Variants in UMPS observed in about 807,000 individuals in gnomAD.
UMPS encodes the protein uridine monophosphate synthetase.
In UMPS, 21 loss-of-function variants were observed where a neutral mutation model predicts 38.9. The ratio of observed to expected loss-of-function variants is 0.54; its 90% confidence interval spans 0.38 to 0.78. The LOEUF (loss-of-function observed/expected upper bound fraction) is 0.78. Among genes scored for constraint, UMPS ranks in the 30% least tolerant of loss-of-function variants. The pLI is 0.00. For missense variants in UMPS, 533 were observed against 591.6 expected (o/e 0.90, Z 1.03); for synonymous variants, 208 against 219.3 (o/e 0.95, Z 0.45).
intron 1 of UMPS, among the ~76,000 whole-genome samples, chr3:124,732,967 G>GGTGTGTGTGTGTGT (rs61383415): frequency 0.026 from 3,872 of 147,690 alleles, 117 homozygotes; most frequent in African/African-American, 0.074. Flanking sequence ...ACTAGATCAT[G>GGTGTGTGTGTGTGT]GTGTGTGTGT....
chr3:124,734,176 T>G (rs961130147), intron 1 of UMPS, among the ~76,000 whole-genome samples: 2 of 152,158 alleles, frequency 1.3e-5, no homozygotes, highest in African/African-American at 2.4e-5. Flanking sequence ...CATAGTTTTT[T>G]TTTGTTTGTT....
At chr3:124,739,383 G>A (rs1178002715) in intron 3 of UMPS, among the ~76,000 whole-genome samples, 4 of 152,098 alleles carry the variant, frequency 2.6e-5, no homozygotes, top group African/African-American at 9.7e-5. Context: ...CCAGGCTGGA[G>A]TGCAGTGGTG....
Position 124,747,060 on chromosome 3 carries a change from T to C in UMPS, c.*2976T>C. 2.2e-6 allele frequency: 1 copy of C among 453,622 alleles called. No homozygotes were observed. The highest frequency in any genetic ancestry group is 4.4e-6 in the Non-Finnish European group (1 of 226,514). 28.1% of individuals were successfully genotyped at this position (453,622 alleles called of 1,614,324 possible). A position where few individuals can be genotyped will look rare whatever the true frequency, so the allele number is the denominator to read the frequency against. On this transcript the variant is annotated 3_prime_UTR_variant, in exon 6 of 6. Coordinates refer to ENST00000232607, the MANE Select transcript of UMPS (RefSeq NM_000373.4). ...CTTCACTCTGTTGCCCAGGCTGGAGTATATCATGGCTCACTGCAACCTTGA... is the reference window on the plus strand; with the variant it reads ...CTTCACTCTGTTGCCCAGGCTGGAGCATATCATGGCTCACTGCAACCTTGA...
Position 124,745,771 on chromosome 3 carries a change from G to A in UMPS, c.*1687G>A. ...GACAAAAACTTGCAGGAATCTCTTA[G>A]GTGTCTTCAGTGTTGGAGTGATATG... On this transcript the variant is annotated 3_prime_UTR_variant, in exon 6 of 6. Transcript: ENST00000232607. 1 of 454,074 alleles carries A rather than the reference G, an allele frequency of 2.2e-6. No homozygotes were observed. Among genetic ancestry groups the A allele is most frequent in the South Asian group, 1.6e-5 (1 of 64,468 alleles). 28.1% of individuals were successfully genotyped at this position (454,074 alleles called of 1,614,324 possible). A position where few individuals can be genotyped will look rare whatever the true frequency, so the allele number is the denominator to read the frequency against.
intron 1 of UMPS, among the ~76,000 whole-genome samples, 180 bp downstream of exon 1, chr3:124,730,807 G>C (rs991026333): frequency 6.6e-6 from 1 of 152,170 alleles, no homozygotes; most frequent in Admixed American, 6.5e-5. Flanking sequence ...TGGGCTCCTC[G>C]AGAGTCGTCT....
intron 4 of UMPS, 143 bp from the exon 5 acceptor site, chr3:124,742,009 G>T (rs532822686): frequency 1.4e-6 from 1 of 708,836 alleles, no homozygotes. Context: ...TGAGCCCAGG[G>T]GTTCAAGACC....
At position 124,747,147 on chromosome 3, in the gene UMPS, C is replaced by T. The variant is rs2063608068; in HGVS notation, c.*3063C>T. ...ACTCTCAAGTAGCTCTCAAGAGCCT[C>T]TCGAGTGGCTGGAACTACAGGCGTG... On this transcript the variant is annotated 3_prime_UTR_variant, in exon 6 of 6. Transcript: ENST00000232607. 2.2e-6 allele frequency: 1 copy of T among 453,920 alleles called. No individual in the cohort carries two copies. The highest frequency in any genetic ancestry group is 4.4e-6 in the Non-Finnish European group (1 of 226,768). The allele number at this position is 453,920 out of a possible 1,614,324, so 28.1% of individuals were successfully genotyped here.
At chr3:124,732,917 A>G (rs2063490297) in intron 1 of UMPS, among the ~76,000 whole-genome samples, 1 of 151,924 alleles carries the variant, frequency 6.6e-6, no homozygotes, top group Non-Finnish European at 1.5e-5. Context: ...GATTTATTTT[A>G]ATAAGCCAGC....
intron 2 of UMPS, among the ~76,000 whole-genome samples, chr3:124,736,377 C>T (rs2063518243): frequency 6.6e-6 from 1 of 152,026 alleles, no homozygotes. Context: ...AATCCTTCTT[C>T]TACAGATGCA....
At chr3:124,743,655 A>AAT (rs1553749307) in intron 5 of UMPS, among the ~76,000 whole-genome samples, 2 of 151,508 alleles carry the variant, frequency 1.3e-5, no homozygotes, top group East Asian at 1.9e-4. Flanking sequence ...TAAATAAATA[A>AAT]AAATAAATAA....
rs751231750 is a variant in UMPS at position 124,744,398 on chromosome 3, T to G, written c.*314T>G. ...TTCCTATCTCTCCATGGGACTAGAC[T>G]GCTTTGTTATTCTATTTATTTTTTA... On this transcript the variant is annotated 3_prime_UTR_variant, in exon 6 of 6. Transcript: ENST00000232607. 2.1e-6 allele frequency: 1 copy of G among 479,204 alleles called. No individual in the cohort carries two copies. Among genetic ancestry groups the G allele is most frequent in the African/African-American group, 2.0e-5 (1 of 51,078 alleles). 29.7% of individuals were successfully genotyped at this position (479,204 alleles called of 1,614,324 possible).
In UMPS at chr3:124,747,602, G is replaced by A. The variant is rs1181134891; in HGVS notation, c.*3518G>A. The stretch of plus-strand genomic sequence containing the variant: ...CGTCCAATGTATGAAAGCCCCAGCT[G>A]ATCTGTAAGCCTGGGAGCGTGATAA... On this transcript the variant is annotated 3_prime_UTR_variant, in exon 6 of 6. Transcript: ENST00000232607. 5 of 451,568 alleles carry A rather than the reference G, an allele frequency of 1.1e-5. No individual in the cohort carries two copies. In the Admixed American group the frequency reaches 1.2e-4, roughly 11 times the overall value. 28.0% of individuals were successfully genotyped at this position (451,568 alleles called of 1,614,324 possible). A position where few individuals can be genotyped will look rare whatever the true frequency, so the allele number is the denominator to read the frequency against.
chr3:124,735,898 A>T (rs2063515026), intron 2 of UMPS, among the ~76,000 whole-genome samples: 1 of 151,838 alleles, frequency 6.6e-6, no homozygotes, highest in African/African-American at 2.4e-5. Flanking sequence ...ATGCGCTTGA[A>T]CCCAGGAGGT....
At chr3:124,731,713 A>G (rs2063479070) in intron 1 of UMPS, 3 of 195,966 alleles carry the variant, frequency 1.5e-5, no homozygotes, top group South Asian at 1.5e-4. Flanking sequence ...CCTGGCCAAC[A>G]TGGTGAAACC....
In UMPS at chr3:124,736,440, G is replaced by T. The variant is rs527848650; in HGVS notation, c.311-1128G>T. On this transcript the variant is annotated intron_variant, in intron 2 of 5. Transcript: ENST00000232607. ...AGAAACATATTAGTTGAGTTTTTGT[G>T]GCGTAAGGGCAGTGTTAGTTTTTCT... Among the ~76,000 whole-genome samples the T allele has an allele frequency of 2.1e-4, 32 of 151,834 alleles. 1 individual carries two copies. The East Asian group carries it at 6.0e-3, about 28-fold the overall frequency.
In UMPS at chr3:124,730,902, T is replaced by G. The variant is rs551213358; in HGVS notation, c.156+275T>G. On this transcript the variant is annotated intron_variant, in intron 1 of 5. Transcript: ENST00000232607. ...ACGCTTTCTGGCACTGAAGCACACT[T>G]GAATGAATTCTGTATATTTAACTCT... Among the ~76,000 whole-genome samples the G allele has an allele frequency of 3.3e-5, 5 of 152,322 alleles. No individual in the cohort carries two copies. In the East Asian group the frequency reaches 7.7e-4, roughly 23 times the overall value.
In UMPS at chr3:124,737,721, G is replaced by C; in HGVS notation, c.464G>C (p.Arg155Thr). 6.2e-7 allele frequency: 1 copy of C among 1,614,220 alleles called. No homozygotes were observed. The highest frequency in any genetic ancestry group is 8.5e-7 in the Non-Finnish European group (1 of 1,180,028). ...ACTGATGCCATAGTGCTGTTGGACA[G>C]AGAGCAGGGAGGCAAGGACAAGTTG... ...KVTDAIVLLD[R>T]EQGGKDKLQA... is the part of the protein sequence containing the mutation. The change falls in exon 3 of 6, where the codon AGA becomes ACA. Residue 155 changes from arginine to threonine, a missense_variant. Coordinates refer to ENST00000232607, the MANE Select transcript of UMPS (RefSeq NM_000373.4).
At chr3:124,739,502 T>G (rs2063541463) in intron 3 of UMPS, among the ~76,000 whole-genome samples, 1 of 152,018 alleles carries the variant, frequency 6.6e-6, no homozygotes, top group Non-Finnish European at 1.5e-5. Flanking sequence ...TAGCTAATTT[T>G]TTTGTATTTT....
chr3:124,742,595 T>A (rs1246101548), intron 5 of UMPS: 7 of 254,504 alleles, frequency 2.8e-5, no homozygotes, highest in Non-Finnish European at 5.3e-5. Flanking sequence ...TAAGCCCTAA[T>A]AATTGTTTGA....
Sources: allele counts gnomAD v4.1 joint callset (sites outside exome capture counted in the v4.1 genomes callset), GRCh38; gene constraint gnomAD v4.1.1; transcripts MANE v1.5; gene names NCBI Gene and HGNC (gene_info 2026-07-23, HGNC 2026-07-21).